TMEM114: variants seen among roughly 807,000 people sequenced by gnomAD.
TMEM114 encodes transmembrane protein 114, also known as claudin-26.
In TMEM114, 6 loss-of-function variants were observed where a neutral mutation model predicts 6.2. The observed-to-expected ratio is 0.97, with a 90% CI of 0.53 to 1.91. The LOEUF is 1.91. TMEM114 is among the 40% of genes most tolerant of loss of function. The pLI is 0.01. For missense variants in TMEM114, 218 were observed against 158.3 expected (o/e 1.38, Z -2.02); for synonymous variants, 104 against 73.0 (o/e 1.42, Z -2.16).
At chr16:8,572,458 C>T (rs903573671) in intron 2 of TMEM114, among the ~76,000 whole-genome samples, 1 of 152,128 alleles carries the variant, frequency 6.6e-6, no homozygotes, top group Non-Finnish European at 1.5e-5. Flanking sequence ...GTTTTTGAGA[C>T]AGGGTCTTGC....
chr16:8,529,835 A>G, the TMEM114 span, among the ~76,000 whole-genome samples: 1 of 152,108 alleles, frequency 6.6e-6, no homozygotes, highest in Non-Finnish European at 1.5e-5. Flanking sequence ...CATCTCCCCT[A>G]GGTGATTCTG....
intron 2 of TMEM114, among the ~76,000 whole-genome samples, chr16:8,562,900 ATGAG>A (rs750503761): frequency 2.2e-5 from 3 of 137,822 alleles, no homozygotes; most frequent in Non-Finnish European, 4.7e-5. Context: ...GAATGAGTGA[ATGAG>A]TGAGTGAATG....
intron 2 of TMEM114, among the ~76,000 whole-genome samples, chr16:8,547,157 G>A (rs13333643): frequency 0.31 from 47,096 of 151,928 alleles, 7,604 homozygotes; most frequent in East Asian, 0.37. Context: ...GGAAAAGGGG[G>A]GTCGTCAAGG....
At chr16:8,567,220 T>C (rs1251644088), downstream of TMEM114, among the ~76,000 whole-genome samples, 3 of 152,060 alleles carry the variant, frequency 2.0e-5, no homozygotes, top group East Asian at 3.9e-4. Flanking sequence ...CATCACCCTG[T>C]TTTGTTTTCT....
At chr16:8,551,340 C>T (rs372761642) in intron 2 of TMEM114, among the ~76,000 whole-genome samples, 2 of 152,196 alleles carry the variant, frequency 1.3e-5, no homozygotes, top group South Asian at 2.1e-4. Flanking sequence ...TGTTTGAATC[C>T]AAGCTCCAGC....
chr16:8,566,988 C>T (rs191198066), downstream of TMEM114, among the ~76,000 whole-genome samples: 346 of 149,020 alleles, frequency 2.3e-3, 4 homozygotes, highest in African/African-American at 7.8e-3. Context: ...GTAACCTCCA[C>T]CTCCTGGGTT....
Position 8,581,162 on chromosome 16 carries a change from AG to A in TMEM114, c.301+8050del, listed in dbSNP as rs1369673408. Among the ~76,000 whole-genome samples, 9 of 152,252 alleles carry A rather than the reference AG, an allele frequency of 5.9e-5. No individual in the cohort carries two copies. In the East Asian group the frequency reaches 1.3e-3, roughly 23 times the overall value. On this transcript the variant is annotated intron_variant, in intron 2 of 3. Transcript: ENST00000620492. Reference sequence around the variant, plus strand: ...GGTGTAATATTGGGGAGTTTCTTTGAGGGGGGATAATAAATGACATCCTGCT... The same window carrying A: ...GGTGTAATATTGGGGAGTTTCTTTGAGGGGGATAATAAATGACATCCTGCT...
rs1902447120 is a variant in TMEM114 at position 8,590,491 on chromosome 16, C to T, written c.-653G>A. On this transcript the variant is annotated 5_prime_UTR_variant, in exon 1 of 4. Coordinates refer to ENST00000620492, the MANE Select transcript of TMEM114 (RefSeq NM_001146336.2). ...AGCTGACCCTCTGAGCCCTCCTCCT[C>T]GCCGAGGAAAAGCTCGGAGTGCGCA... 6.6e-6 allele frequency among the ~76,000 whole-genome samples: 1 copy of T among 152,208 alleles called. No homozygotes were observed. The highest frequency in any genetic ancestry group is 1.5e-5 in the Non-Finnish European group (1 of 68,044).
intron 2 of TMEM114, among the ~76,000 whole-genome samples, chr16:8,544,955 A>G (rs1172578416): frequency 1.4e-5 from 2 of 141,768 alleles, no homozygotes; most frequent in East Asian, 4.1e-4. Flanking sequence ...CCTCCCCCCA[A>G]CCCCGTAATA....
At chr16:8,535,138 C>G (rs1002197429), downstream of TMEM114, among the ~76,000 whole-genome samples, 2 of 152,076 alleles carry the variant, frequency 1.3e-5, no homozygotes, top group Non-Finnish European at 2.9e-5. Context: ...TCTCTGTGTC[C>G]CCCATCAATA....
In TMEM114 at chr16:8,563,028, A is replaced by ATGAG. The variant is rs1176016554; in HGVS notation, n.213-25206_213-25203dup. ...AGTGAATGAATGAGTGAGTGAGGGA[A>ATGAG]TGAGTGAGTGAATGAGTAAATTGAG... On this transcript the variant is annotated intron_variant and non_coding_transcript_variant, in intron 2 of 2. Transcript: ENST00000623677. 1.5e-5 allele frequency among the ~76,000 whole-genome samples: 2 copies of ATGAG among 137,428 alleles called. 1 individual carries two copies. Among genetic ancestry groups the ATGAG allele is most frequent in the African/African-American group, 5.6e-5 (2 of 35,594 alleles). 90.2% of individuals were successfully genotyped at this position (137,428 alleles called of 152,430 possible).
At chr16:8,527,809 G>T in the TMEM114 span, among the ~76,000 whole-genome samples, 90 of 152,140 alleles carry the variant, frequency 5.9e-4, no homozygotes, top group Non-Finnish European at 8.4e-4. Context: ...CCCCAATACA[G>T]GATGTGGAGT....
In TMEM114 at chr16:8,558,931, G is replaced by A. The variant is rs1255430552; in HGVS notation, n.213-21105C>T. ...AATTTTTTTTTGTATTTTTAGTAGA[G>A]ACGGGGTTTCACCATGTTAGCCAGG... is the stretch of plus-strand genomic sequence containing the variant. On this transcript the variant is annotated intron_variant and non_coding_transcript_variant, in intron 2 of 2. Transcript: ENST00000623677. Among the ~76,000 whole-genome samples, 14 of 151,742 alleles carry A rather than the reference G, an allele frequency of 9.2e-5. No individual in the cohort carries two copies. The South Asian group carries it at 2.7e-3, about 29-fold the overall frequency.
At chr16:8,538,813 C>A (rs1377530501) in intron 2 of TMEM114, among the ~76,000 whole-genome samples, 1 of 152,030 alleles carries the variant, frequency 6.6e-6, no homozygotes, top group Admixed American at 6.6e-5. Flanking sequence ...CCCGGCCGTG[C>A]TGTGTTTTTA....
intron 2 of TMEM114, among the ~76,000 whole-genome samples, chr16:8,555,108 TG>T (rs566214346): frequency 7.0e-4 from 107 of 152,352 alleles, no homozygotes; most frequent in African/African-American, 2.4e-3. Flanking sequence ...TCTCTGGTTT[TG>T]CCCATGTGAG....
chr16:8,527,053 G>C, the TMEM114 span, among the ~76,000 whole-genome samples: 1 of 152,068 alleles, frequency 6.6e-6, no homozygotes, highest in Non-Finnish European at 1.5e-5. Context: ...GCTAAACATA[G>C]CAAAATTAGC....
chr16:8,528,023 C>G, the TMEM114 span, among the ~76,000 whole-genome samples: 1 of 152,146 alleles, frequency 6.6e-6, no homozygotes, highest in African/African-American at 2.4e-5. Flanking sequence ...ATTCTCCCGC[C>G]TCAGCTTCCT....
intron 2 of TMEM114, among the ~76,000 whole-genome samples, chr16:8,572,453 T>G (rs1042094204): frequency 4.0e-4 from 61 of 152,162 alleles, no homozygotes; most frequent in African/African-American, 1.3e-3. Context: ...GTTTTGTTTT[T>G]GAGACAGGGT....
rs1182146058 is a variant in TMEM114 at position 8,576,762 on chromosome 16, GGAAGGAAAT to G, written c.302-4547_302-4539del. ...AGGAAGGAAGGAAGGAAGGAAGGAA[GGAAGGAAAT>G]TGAGCATTTACTGAGCATCTAATAG... On this transcript the variant is annotated intron_variant, in intron 2 of 3. Transcript: ENST00000620492. Among the ~76,000 whole-genome samples, 46 of 115,126 alleles carry G rather than the reference GGAAGGAAAT, an allele frequency of 4.0e-4. 1 individual carries two copies. Among genetic ancestry groups the G allele is most frequent in the Admixed American group, 2.6e-3 (28 of 10,656 alleles). The allele number at this position is 115,126 out of a possible 152,430, so 75.5% of individuals were successfully genotyped here.
Sources: allele counts gnomAD v4.1 joint callset (sites outside exome capture counted in the v4.1 genomes callset), GRCh38; gene constraint gnomAD v4.1.1; transcripts MANE v1.5; gene names NCBI Gene and HGNC (gene_info 2026-07-23, HGNC 2026-07-21).